The following LOXL3 variants were observed in gnomAD, a reference collection of about 807,000 sequenced individuals.
LOXL3 encodes the protein lysyl oxidase like 3.
LOXL3 carries 60 observed loss-of-function variants against 91.8 expected under a neutral mutation model. The observed-to-expected ratio is 0.65, with a 90% CI of 0.53 to 0.81. The LOEUF (loss-of-function observed/expected upper bound fraction) is 0.81, where lower values mean the gene tolerates loss of function less well. LOXL3 is among the 30% of genes least tolerant of loss of function. The pLI is 0.00. For missense variants in LOXL3, 874 were observed against 1,000.4 expected, an observed-to-expected ratio of 0.87 and a Z score of 1.70; for synonymous variants, 355 against 387.6, an observed-to-expected ratio of 0.92 and a Z score of 0.99.
chr2:74,533,050 G>A lies in LOXL3; in HGVS notation c.*556C>T. On this transcript the variant is annotated 3_prime_UTR_variant, in exon 14 of 14. Transcript: ENST00000264094. Reference sequence around the variant, plus strand: ...TCCTTGCCTTTCTGGCTGAGGTTCTGAGGGCACCGAGACAGAGGGTTAAAT... The same window carrying A: ...TCCTTGCCTTTCTGGCTGAGGTTCTAAGGGCACCGAGACAGAGGGTTAAAT... 2.0e-6 allele frequency: 3 copies of A among 1,519,700 alleles called. No individual in the cohort carries two copies. The highest frequency in any genetic ancestry group is 2.7e-6 in the Non-Finnish European group (3 of 1,101,458). 94.1% of individuals were successfully genotyped at this position (1,519,700 alleles called of 1,614,324 possible). A position where few individuals can be genotyped will look rare whatever the true frequency, so the allele number is the denominator to read the frequency against.
At chr2:74,555,311 T>A, upstream of LOXL3, 1 of 1,614,080 alleles carries the variant, frequency 6.2e-7, no homozygotes. This position sits in a 1 kb window ranked among gnomAD's most constrained non-coding sequence, Gnocchi z 6.1. Flanking sequence ...TGTGTGAGTG[T>A]GGCCCCCGTC....
upstream of LOXL3, chr2:74,554,495 C>T: frequency 1.8e-6 from 1 of 556,636 alleles, no homozygotes; most frequent in Non-Finnish European, 3.2e-6. This position sits in a 1 kb window ranked among gnomAD's most constrained non-coding sequence, Gnocchi z 4.9. Flanking sequence ...AGGGCCCTCG[C>T]GCCAAAACCG....
chr2:74,544,452 TG>T, intron 4 of LOXL3, among the ~76,000 whole-genome samples: 1 of 152,364 alleles, frequency 6.6e-6, no homozygotes, highest in Admixed American at 6.5e-5. Flanking sequence ...TATTCACCTT[TG>T]TATTCTCAGC....
At position 74,536,495 on chromosome 2, in the gene LOXL3, C is replaced by A. The variant is rs1477008316; in HGVS notation, c.913-24G>T. The stretch of plus-strand genomic sequence containing the variant: ...GCCTATAGAAGAGAGAAGTGCCCAA[C>A]AGAGGCAAATGGCAACATCTGCACG... On this transcript the variant is annotated intron_variant, in intron 5 of 13. Coordinates refer to ENST00000264094, the MANE Select transcript of LOXL3 (RefSeq NM_032603.5). The surrounding 1 kb of genome is among the most constrained non-coding windows in gnomAD (Gnocchi z 4.5). 6.2e-7 allele frequency: 1 copy of A among 1,602,252 alleles called. No individual in the cohort carries two copies. The highest frequency in any genetic ancestry group is 8.5e-7 in the Non-Finnish European group (1 of 1,173,610).
chr2:74,546,200 T>C (rs961562382), intron 4 of LOXL3, among the ~76,000 whole-genome samples: 1 of 152,210 alleles, frequency 6.6e-6, no homozygotes, highest in Non-Finnish European at 1.5e-5. Flanking sequence ...TCACTTTCTT[T>C]ACGTGGCTTT....
upstream of LOXL3, chr2:74,554,773 G>A (rs942203972): frequency 1.2e-6 from 2 of 1,613,774 alleles, no homozygotes; most frequent in Non-Finnish European, 1.7e-6. The surrounding 1 kb of genome is among the most constrained non-coding windows in gnomAD (Gnocchi z 4.9). Context: ...AGCAGTGATG[G>A]AAGGGCCGCT....
chr2:74,539,237 G>A (rs1335446094), intron 4 of LOXL3, among the ~76,000 whole-genome samples: 2 of 152,198 alleles, frequency 1.3e-5, no homozygotes, highest in Non-Finnish European at 2.9e-5. Context: ...AAAGGTACAG[G>A]GTTATTTTTC....
chr2:74,537,133 T>C (rs1397779928), intron 4 of LOXL3, among the ~76,000 whole-genome samples: 3 of 152,182 alleles, frequency 2.0e-5, no homozygotes, highest in Admixed American at 6.5e-5. Context: ...ACTACCCAGA[T>C]AGGAGGGGCC....
In LOXL3 at chr2:74,549,372, T is replaced by C. The variant is rs1234268782; in HGVS notation, c.689A>G (p.Tyr230Cys). 2 of 1,600,574 alleles carry C rather than the reference T, an allele frequency of 1.2e-6. No individual in the cohort carries two copies. The highest frequency in any genetic ancestry group is 2.7e-5 in the African/African-American group (2 of 74,644). ...CCCGGCGCCCGCGGCCCCTCACCTG[T>C]AGAAGGCCGCGTTGACCCTCTTTTC... The part of the protein sequence containing the change: ...PSEKRVNAAF[Y>C]RLLAQRQQHS... Residue 230 changes from tyrosine to cysteine, a missense_variant, in exon 4 of 14, where the codon TAC becomes TGC. Physicochemically the swap from Tyr to Cys is radical, Grantham distance 194. Transcript: ENST00000264094. The surrounding 1 kb of genome is among the most constrained non-coding windows in gnomAD (Gnocchi z 5.3).
At chr2:74,553,082 T>C (rs1010272074) in intron 1 of LOXL3, 4 of 163,648 alleles carry the variant, frequency 2.4e-5, no homozygotes, top group Non-Finnish European at 5.3e-5. Flanking sequence ...AAGCACTCAG[T>C]ATAGGGGAAC....
chr2:74,555,675 G>A, upstream of LOXL3: 1 of 1,613,786 alleles, frequency 6.2e-7, no homozygotes. This position sits in a 1 kb window ranked among gnomAD's most constrained non-coding sequence, Gnocchi z 6.1. Flanking sequence ...GAAGGTAGAC[G>A]CCTCAGAAGC....
At position 74,532,533 on chromosome 2, in the gene LOXL3, C is replaced by G; in HGVS notation, c.*1073G>C. On this transcript the variant is annotated 3_prime_UTR_variant, in exon 14 of 14. Coordinates refer to ENST00000264094, the MANE Select transcript of LOXL3 (RefSeq NM_032603.5). Reference sequence around the variant, plus strand: ...GCCCATGTCCTGTCCATATATTTATCAATGTGTTGATGAGAGACTTGAGGT... The same window carrying G: ...GCCCATGTCCTGTCCATATATTTATGAATGTGTTGATGAGAGACTTGAGGT... The G allele has an allele frequency of 1.0e-6, 1 of 984,260 alleles. No individual in the cohort carries two copies. 61.0% of individuals were successfully genotyped at this position (984,260 alleles called of 1,614,324 possible). A position where few individuals can be genotyped will look rare whatever the true frequency, so the allele number is the denominator to read the frequency against.
chr2:74,555,122 C>G (rs1395086574), upstream of LOXL3: 1 of 1,587,074 alleles, frequency 6.3e-7, no homozygotes, highest in Non-Finnish European at 8.6e-7. This position sits in a 1 kb window ranked among gnomAD's most constrained non-coding sequence, Gnocchi z 6.1. Context: ...GCGCACGCCA[C>G]TCCCTCTCGA....
At position 74,533,889 on chromosome 2, in the gene LOXL3, G is replaced by A. The variant is rs1178950296; in HGVS notation, c.2181C>T (p.Cys727=). 1.2e-6 allele frequency: 2 copies of A among 1,612,382 alleles called. No homozygotes were observed. Among genetic ancestry groups the A allele is most frequent in the East Asian group, 2.2e-5 (1 of 44,858 alleles). Residue 727 remains cysteine, a synonymous_variant, in exon 13 of 14, where the codon TGC becomes TGT. Transcript: ENST00000264094. Reference sequence around the variant, plus strand: ...GCTCTTCCCATCAAATACCAATGTGGCAGTTGTGCACCCAGATTCTATGTC... The same window carrying A: ...GCTCTTCCCATCAAATACCAATGTGACAGTTGTGCACCCAGATTCTATGTC... The part of the protein sequence containing the change: ...YDGHRIWVHN[C]HIGDAFSEEA...
Position 74,537,048 on chromosome 2 carries a change from C to T in LOXL3, c.693-120G>A, listed in dbSNP as rs753299783. 8.1e-6 allele frequency: 6 copies of T among 741,824 alleles called. No individual in the cohort carries two copies. In the South Asian group the frequency reaches 1.1e-4, roughly 13 times the overall value. The allele number at this position is 741,824 out of a possible 1,614,324, so 46.0% of individuals were successfully genotyped here. A position where few individuals can be genotyped will look rare whatever the true frequency, so the allele number is the denominator to read the frequency against. The stretch of plus-strand genomic sequence containing the variant: ...CCCACCCTTTTGTGACCATTTATCT[C>T]CTCTTCTTCCCCCTTCCATGTTTCC... On this transcript the variant is annotated intron_variant, in intron 4 of 13. Coordinates refer to ENST00000264094, the MANE Select transcript of LOXL3 (RefSeq NM_032603.5).
Position 74,535,906 on chromosome 2 carries a change from C to T in LOXL3, c.1248+90G>A, listed in dbSNP as rs1675991166. The T allele has an allele frequency of 4.0e-6, 6 of 1,490,992 alleles. No individual in the cohort carries two copies. The South Asian group carries it at 6.7e-5, about 17-fold the overall frequency. 92.4% of individuals were successfully genotyped at this position (1,490,992 alleles called of 1,614,324 possible). ...GCTGCAGGAGGGCAGGGGCCTGGGG[C>T]AATGGGCTGGGGGCCATTGGACTGT... On this transcript the variant is annotated intron_variant, in intron 7 of 13. Transcript: ENST00000264094. The surrounding 1 kb of genome is among the most constrained non-coding windows in gnomAD (Gnocchi z 4.2).
chr2:74,533,829 C>CTT, intron 13 of LOXL3, 53 bp downstream of exon 13: 1 of 1,500,530 alleles, frequency 6.7e-7, no homozygotes, highest in Non-Finnish European at 9.3e-7. Flanking sequence ...AGAGAATGAA[C>CTT]GTCTTTCCCT....
Position 74,535,083 on chromosome 2 carries a change from T to C in LOXL3, c.1579+209A>G, listed in dbSNP as rs1558618096. 6.6e-6 allele frequency among the ~76,000 whole-genome samples: 1 copy of C among 152,208 alleles called. No individual in the cohort carries two copies. Among genetic ancestry groups the C allele is most frequent in the African/African-American group, 2.4e-5 (1 of 41,450 alleles). On this transcript the variant is annotated intron_variant, in intron 9 of 13. Coordinates refer to ENST00000264094, the MANE Select transcript of LOXL3 (RefSeq NM_032603.5). The surrounding 1 kb of genome is among the most constrained non-coding windows in gnomAD (Gnocchi z 4.2). ...TAGTAGAGACAGGGTTTCACCATCT[T>C]GGTCAGGCTGGTCTTGAATTCCTGA...
At chr2:74,539,538 C>A (rs771481589) in intron 4 of LOXL3, among the ~76,000 whole-genome samples, 3 of 152,118 alleles carry the variant, frequency 2.0e-5, no homozygotes, top group Non-Finnish European at 4.4e-5. Context: ...GGCTGGAATC[C>A]AAGCTATTTG....
Sources: allele counts gnomAD v4.1 joint callset (sites outside exome capture counted in the v4.1 genomes callset), GRCh38; gene constraint gnomAD v4.1.1; non-coding constraint Gnocchi (gnomAD v3.1); transcripts MANE v1.5; gene names NCBI Gene and HGNC (gene_info 2026-07-23, HGNC 2026-07-21).